Variants in DMD observed in about 807,000 individuals in gnomAD.
DMD encodes the protein dystrophin, also known as mutant dystrophin.
DMD carries 63 observed loss-of-function variants against 330.1 expected under a neutral mutation model. That is an observed-to-expected ratio of 0.19 (90% CI 0.16 to 0.24). DMD has a LOEUF of 0.24. Ranked by LOEUF, DMD falls within the 10% of genes least tolerant of loss-of-function variation. The probability of loss-of-function intolerance (pLI) is 1.00; values close to 1 mark genes in which losing one functional copy is unlikely to be tolerated. For missense variants in DMD, 3,344 were observed against 2,684.1 expected (o/e 1.25, Z -5.43); for synonymous variants, 1,223 against 959.8 (o/e 1.27, Z -5.07).
rs982217636 is a variant in DMD, at chrX:31,480,240, A to G, written c.8548-1137T>C. Among the ~76,000 whole-genome samples the G allele has an allele frequency of 3.6e-5, 4 of 111,684 alleles. No individual in the cohort carries two copies. The Admixed American group carries it at 3.8e-4, about 11-fold the overall frequency. Reference sequence around the variant, plus strand: ...TGCCATTATGTTACAGAAGTGTTCCAGAGCTGTATTGTATGACACATTTAT... The same window carrying G: ...TGCCATTATGTTACAGAAGTGTTCCGGAGCTGTATTGTATGACACATTTAT... On this transcript the variant is annotated intron_variant, in intron 57 of 78. Coordinates refer to ENST00000357033, the MANE Select transcript of DMD (RefSeq NM_004006.3).
intron 1 of DMD, among the ~76,000 whole-genome samples, chrX:33,250,925 C>A (rs1351438274): frequency 9.0e-6 from 1 of 110,735 alleles, no homozygotes; most frequent in Non-Finnish European, 1.9e-5. Flanking sequence ...ATAAAAGATG[C>A]ATAGATAACC....
intron 44 of DMD, among the ~76,000 whole-genome samples, chrX:32,173,353 T>G (rs1010447503): frequency 2.7e-5 from 3 of 110,500 alleles, no homozygotes; most frequent in African/African-American, 9.9e-5. Context: ...ATATTTCTGA[T>G]GCTTCCTAAA....
rs140759792 is a variant in DMD, at chrX:32,438,313, G to T, written c.3999C>A (p.Gly1333=). Residue 1333 remains glycine (G), a synonymous_variant, in exon 29 of 79, where the codon GGC becomes GGA. Coordinates refer to ENST00000357033, the MANE Select transcript of DMD (RefSeq NM_004006.3). ...CATTGATTAGCTCATCCATGACTCCGCCATCTGTTAGGGTCTGTGCCAATA... is the reference window on the plus strand; with the variant it reads ...CATTGATTAGCTCATCCATGACTCCTCCATCTGTTAGGGTCTGTGCCAATA... ...IRILAQTLTD[G]GVMDELINEE... The T allele has an allele frequency of 8.3e-7, 1 of 1,210,496 alleles. No individual in the cohort carries two copies. Among genetic ancestry groups the T allele is most frequent in the Non-Finnish European group, 1.1e-6 (1 of 894,707 alleles).
intron 48 of DMD, among the ~76,000 whole-genome samples, chrX:31,868,502 A>C (rs1388213835): frequency 8.9e-6 from 1 of 112,070 alleles, no homozygotes; most frequent in African/African-American, 3.2e-5. Flanking sequence ...TAATTGAAAA[A>C]AATATATAAC....
chrX:31,626,397 A>C (rs2078848670), intron 55 of DMD, among the ~76,000 whole-genome samples: 1 of 112,063 alleles, frequency 8.9e-6, no homozygotes, highest in Non-Finnish European at 1.9e-5. Flanking sequence ...ACAGTGGTAC[A>C]TTGTCTAACC....
chrX:32,454,815 C>T lies in DMD; in HGVS notation c.3450G>A (p.Glu1150=), dbSNP rs142967431. The stretch of plus-strand genomic sequence containing the variant: ...TTTTCTCCAAACCTCCCTTCAAGGC[C>T]TCCTTTCTGGCATAGACCTTCCACA... ...HMCQQVYARK[E]ALKGGLEKTV... Residue 1150 remains glutamate, a synonymous_variant, in exon 26 of 79, where the codon GAG becomes GAA. Coordinates refer to ENST00000357033, the MANE Select transcript of DMD (RefSeq NM_004006.3). The T allele has an allele frequency of 1.7e-5, 21 of 1,204,990 alleles. No homozygotes were observed. In the African/African-American group the frequency reaches 3.5e-4, roughly 20 times the overall value.
intron 63 of DMD, among the ~76,000 whole-genome samples, chrX:31,259,826 C>A (rs1004260030): frequency 9.1e-5 from 10 of 110,411 alleles, no homozygotes; most frequent in Admixed American, 2.9e-4. Flanking sequence ...GCTACGTACC[C>A]CCTGACACAC....
chrX:32,503,701 G>A (rs373350308), intron 18 of DMD, among the ~76,000 whole-genome samples: 29 of 110,052 alleles, frequency 2.6e-4, no homozygotes, highest in South Asian at 7.9e-4. Flanking sequence ...GATTACAGGC[G>A]TGCACCACCA....
intron 43 of DMD, among the ~76,000 whole-genome samples, chrX:32,272,818 A>C (rs1286549399): frequency 1.8e-5 from 2 of 112,014 alleles, no homozygotes; most frequent in Non-Finnish European, 3.8e-5. Flanking sequence ...CAGAAAAAGT[A>C]ATGTCTTGAA....
At chrX:31,258,976 G>C (rs1415827703) in intron 63 of DMD, among the ~76,000 whole-genome samples, 2 of 108,720 alleles carry the variant, frequency 1.8e-5, no homozygotes, top group Non-Finnish European at 3.8e-5. Flanking sequence ...TTATAAGACA[G>C]AATGATTCAA....
intron 55 of DMD, among the ~76,000 whole-genome samples, chrX:31,512,200 A>G (rs1370939457): frequency 1.8e-5 from 2 of 109,791 alleles, no homozygotes; most frequent in South Asian, 3.9e-4. Flanking sequence ...TTTCTTGTAC[A>G]TTTGTTTGAG....
intron 47 of DMD, among the ~76,000 whole-genome samples, chrX:31,911,746 G>A (rs149501316): frequency 5.4e-5 from 6 of 111,277 alleles, no homozygotes; most frequent in Non-Finnish European, 7.5e-5. Context: ...TTGAAGATGA[G>A]GGGCGTAGTG....
chrX:31,204,575 T>C (rs957288069), intron 66 of DMD, among the ~76,000 whole-genome samples: 3 of 112,485 alleles, frequency 2.7e-5, no homozygotes, highest in Admixed American at 9.4e-5. Flanking sequence ...ACTGAGCTTC[T>C]AGTCCATCAT....
chrX:32,079,658 GGAAAAAAAAA>G (rs2096377819), intron 44 of DMD, among the ~76,000 whole-genome samples: 1 of 105,980 alleles, frequency 9.4e-6, no homozygotes, highest in South Asian at 4.2e-4. Context: ...GGGAGGGAGG[GGAAAAAAAAA>G]GAAAAAAATG....
chrX:32,150,758 G>A (rs1016847167), intron 44 of DMD, among the ~76,000 whole-genome samples: 2 of 111,587 alleles, frequency 1.8e-5, no homozygotes, highest in African/African-American at 6.5e-5. Context: ...AAAATTATTA[G>A]TGAGAGCAAT....
rs1329643369 is a variant in DMD at position 32,721,065 on chromosome X, T to A, written c.650-21772A>T. ...GCACTATCTTTTGTGAGGCTGAATA[T>A]TTGTGTGTGTGTGTGTGTGTGTCAC... On this transcript the variant is annotated intron_variant, in intron 7 of 78. Coordinates refer to ENST00000357033, the MANE Select transcript of DMD (RefSeq NM_004006.3). 2.4e-4 allele frequency among the ~76,000 whole-genome samples: 26 copies of A among 108,923 alleles called. 1 individual carries two copies. The allele number at this position is 108,923 out of a possible 115,157, so 94.6% of individuals were successfully genotyped here. A position where few individuals can be genotyped will look rare whatever the true frequency, so the allele number is the denominator to read the frequency against.
chrX:32,388,574 T>C (rs1569560709), intron 32 of DMD, among the ~76,000 whole-genome samples: 1 of 110,425 alleles, frequency 9.1e-6, no homozygotes, highest in African/African-American at 3.3e-5. Context: ...TATTTTAAGA[T>C]ATTTGTTAAA....
chrX:32,024,256 G>T (rs1485116358), intron 44 of DMD, among the ~76,000 whole-genome samples: 1 of 110,875 alleles, frequency 9.0e-6, no homozygotes, highest in Non-Finnish European at 1.9e-5. Context: ...AGGCCAAGGC[G>T]GGCGGACTGC....
intron 63 of DMD, among the ~76,000 whole-genome samples, chrX:31,234,019 G>A (rs1056174441): frequency 1.8e-5 from 2 of 111,923 alleles, no homozygotes; most frequent in African/African-American, 6.5e-5. Context: ...AGAACCTGAA[G>A]ACCTGACAAT....
Sources: gnomAD v4.1 joint callset for allele counts (sites outside exome capture counted in the v4.1 genomes callset) on GRCh38, gnomAD v4.1.1 for gene constraint, MANE v1.5 for transcripts, NCBI Gene and HGNC (gene_info 2026-07-23, HGNC 2026-07-21) for gene names.